SGCD: variants seen among roughly 807,000 people sequenced by gnomAD.
SGCD encodes delta-sarcoglycan.
A neutral mutation model predicts 36.6 loss-of-function variants in SGCD; 18 were observed. That is an observed-to-expected ratio of 0.49 (90% CI 0.34 to 0.73). The LOEUF is 0.73. SGCD is among the 30% of genes least tolerant of loss of function. The pLI is 0.01. For missense variants in SGCD, 387 were observed against 346.7 expected (o/e 1.12, Z -0.92); for synonymous variants, 133 against 130.6 (o/e 1.02, Z -0.12).
intron 3 of SGCD, among the ~76,000 whole-genome samples, chr5:156,261,505 C>T (rs565210779): frequency 1.3e-5 from 2 of 152,246 alleles, no homozygotes; most frequent in South Asian, 4.1e-4. Context: ...TACTCACGTG[C>T]TTGTGGGAAT....
chr5:155,765,061 T>G, the SGCD span, among the ~76,000 whole-genome samples: 3 of 152,114 alleles, frequency 2.0e-5, no homozygotes, highest in East Asian at 5.8e-4. Flanking sequence ...GGAAGATCAC[T>G]TGAGGCCAGT....
chr5:156,643,409 C>T (rs1352875273), intron 6 of SGCD, among the ~76,000 whole-genome samples: 1 of 152,032 alleles, frequency 6.6e-6, no homozygotes, highest in Non-Finnish European at 1.5e-5. Context: ...TACCTCTTTG[C>T]TTCACCACTA....
chr5:156,406,202 G>A lies in SGCD; in HGVS notation c.192+61525G>A, dbSNP rs563436659. Reference sequence around the variant, plus strand: ...GAGCCACAGACCTTGGAGACTGCACGAAAAAGATTGTTGGTGGTGATGTCC... The same window carrying A: ...GAGCCACAGACCTTGGAGACTGCACAAAAAAGATTGTTGGTGGTGATGTCC... On this transcript the variant is annotated intron_variant, in intron 3 of 8. Coordinates refer to ENST00000337851, the MANE Select transcript of SGCD (RefSeq NM_000337.6). Among the ~76,000 whole-genome samples the A allele has an allele frequency of 5.3e-5, 8 of 152,136 alleles. No homozygotes were observed. The East Asian group carries it at 1.4e-3, about 26-fold the overall frequency.
At chr5:155,921,858 G>A (rs1018439178) in intron 1 of SGCD, among the ~76,000 whole-genome samples, 4 of 152,158 alleles carry the variant, frequency 2.6e-5, no homozygotes, top group African/African-American at 9.7e-5. Context: ...GCTGTAATAA[G>A]AATGCAATCA....
At chr5:156,211,468 C>T (rs1289857623) in intron 3 of SGCD, among the ~76,000 whole-genome samples, 2 of 151,936 alleles carry the variant, frequency 1.3e-5, no homozygotes, top group South Asian at 2.1e-4. Flanking sequence ...ATTAGCTGGG[C>T]GTGGTGGCGG....
chr5:156,730,161 G>A (rs899618361), intron 7 of SGCD, among the ~76,000 whole-genome samples: 17 of 152,094 alleles, frequency 1.1e-4, no homozygotes, highest in Admixed American at 4.6e-4. Context: ...ATTCAGATAA[G>A]TGAACACTTA....
chr5:155,805,617 C>T, the SGCD span, among the ~76,000 whole-genome samples: 88 of 152,188 alleles, frequency 5.8e-4, 1 homozygote, highest in Middle Eastern at 3.2e-3. Flanking sequence ...AAAAATGTCT[C>T]CACTCATCGC....
chr5:155,911,780 T>C (rs1354133885), intron 1 of SGCD, among the ~76,000 whole-genome samples: 1 of 152,060 alleles, frequency 6.6e-6, no homozygotes. Context: ...ATCTGAGCCA[T>C]GTGGCATGAA....
intron 6 of SGCD, among the ~76,000 whole-genome samples, chr5:156,602,037 T>A (rs1352398765): frequency 5.3e-5 from 8 of 152,162 alleles, no homozygotes; most frequent in Admixed American, 5.2e-4. Context: ...TTTTGGGTAG[T>A]ATGGACATTT....
At chr5:156,226,393 A>T (rs1764860084) in intron 3 of SGCD, among the ~76,000 whole-genome samples, 2 of 152,178 alleles carry the variant, frequency 1.3e-5, no homozygotes, top group Admixed American at 1.3e-4. Flanking sequence ...TGCGACTGCC[A>T]TTAATTCATT....
chr5:156,600,807 C>T (rs996618724), intron 6 of SGCD, among the ~76,000 whole-genome samples: 1 of 152,010 alleles, frequency 6.6e-6, no homozygotes, highest in African/African-American at 2.4e-5. Context: ...TTAAGGATTC[C>T]CTTTTTTTAC....
At chr5:156,544,352 A>C (rs929771006) in intron 4 of SGCD, among the ~76,000 whole-genome samples, 7 of 152,194 alleles carry the variant, frequency 4.6e-5, no homozygotes, top group Non-Finnish European at 8.8e-5. Flanking sequence ...ATTGAATAAG[A>C]GGATTATTTG....
chr5:156,406,695 A>G (rs770932183), intron 3 of SGCD, among the ~76,000 whole-genome samples: 11 of 150,918 alleles, frequency 7.3e-5, no homozygotes, highest in Non-Finnish European at 1.3e-4. Context: ...GGTAGACATT[A>G]TCTCTGTTTT....
At chr5:156,414,389 T>C (rs972173631) in intron 3 of SGCD, among the ~76,000 whole-genome samples, 2 of 152,230 alleles carry the variant, frequency 1.3e-5, no homozygotes, top group South Asian at 2.1e-4. Flanking sequence ...AACTTAATGA[T>C]GCATATCTTT....
chr5:156,185,845 A>ATGTGTGTGTGTATATATATATATG (rs376393608), intron 3 of SGCD, among the ~76,000 whole-genome samples: 3 of 50,308 alleles, frequency 6.0e-5, no homozygotes, highest in African/African-American at 2.2e-4. Context: ...ATATATATAT[A>ATGTGTGTGTGTATATATATATATG]TATATAGAGA....
Position 156,623,745 on chromosome 5 carries a change from T to C in SGCD, c.503-23719T>C, listed in dbSNP as rs914594365. Among the ~76,000 whole-genome samples the C allele has an allele frequency of 2.6e-5, 4 of 152,332 alleles. No individual in the cohort carries two copies. In the East Asian group the frequency reaches 5.8e-4, roughly 22 times the overall value. ...CAATATGCAGGGTGCCTATGAGCTA[T>C]GAAGGAAGGTAATGTGCTTTTCTTC... On this transcript the variant is annotated intron_variant, in intron 6 of 8. Coordinates refer to ENST00000337851, the MANE Select transcript of SGCD (RefSeq NM_000337.6).
intron 1 of SGCD, among the ~76,000 whole-genome samples, chr5:156,061,112 A>G (rs1160809456): frequency 1.4e-5 from 2 of 146,254 alleles, no homozygotes; most frequent in Non-Finnish European, 3.1e-5. Context: ...TCAAAGCACT[A>G]GTCTCACAGA....
At chr5:156,623,062 A>G (rs1190563573) in intron 6 of SGCD, among the ~76,000 whole-genome samples, 1 of 152,172 alleles carries the variant, frequency 6.6e-6, no homozygotes, top group Non-Finnish European at 1.5e-5. Context: ...TTTTATATGT[A>G]TATAGTATAC....
chr5:155,784,700 C>A, the SGCD span, among the ~76,000 whole-genome samples: 1 of 147,698 alleles, frequency 6.8e-6, no homozygotes, highest in Non-Finnish European at 1.5e-5. Context: ...TTTCCAGTAC[C>A]CACACAAAGA....
Sources: gnomAD v4.1 joint callset for allele counts (sites outside exome capture counted in the v4.1 genomes callset) on GRCh38, gnomAD v4.1.1 for gene constraint, MANE v1.5 for transcripts, NCBI Gene and HGNC (gene_info 2026-07-23, HGNC 2026-07-21) for gene names.